The following NBAS variants were observed in gnomAD, a reference collection of about 807,000 sequenced individuals.
NBAS encodes NBAS subunit of NRZ tethering complex, also known as NAG/BC035112 fusion.
A neutral mutation model predicts 302.5 loss-of-function variants in NBAS; 219 were observed. The observed-to-expected ratio is 0.72, with a 90% CI of 0.65 to 0.81. NBAS has a LOEUF of 0.81. Among genes scored for constraint, NBAS ranks in the 30% least tolerant of loss-of-function variants. The probability of loss-of-function intolerance (pLI) is 0.00; values close to 1 mark genes in which losing one functional copy is unlikely to be tolerated. For synonymous variants in NBAS, 1,118 were observed against 1,021.6 expected (o/e 1.09, Z -1.80); for missense variants, 2,932 against 2,841.6 (o/e 1.03, Z -0.72).
chr2:15,018,109 T>C, the NBAS span, among the ~76,000 whole-genome samples: 1 of 151,900 alleles, frequency 6.6e-6, no homozygotes, highest in African/African-American at 2.4e-5. Context: ...AGAAGTAGAA[T>C]GTAGAACAGA....
At chr2:15,441,092 A>C (rs1386426411) in intron 21 of NBAS, among the ~76,000 whole-genome samples, 1 of 152,244 alleles carries the variant, frequency 6.6e-6, no homozygotes, top group East Asian at 1.9e-4. Flanking sequence ...GCAGGATATT[A>C]TCCAGGAGAA....
At chr2:15,290,328 C>T (rs1670252764) in intron 41 of NBAS, among the ~76,000 whole-genome samples, 1 of 152,138 alleles carries the variant, frequency 6.6e-6, no homozygotes, top group South Asian at 2.1e-4. Flanking sequence ...TTAAAGAAGC[C>T]ATTCAAACAC....
At chr2:15,412,654 A>C (rs1676735444) in intron 25 of NBAS, among the ~76,000 whole-genome samples, 1 of 152,220 alleles carries the variant, frequency 6.6e-6, no homozygotes, top group Non-Finnish European at 1.5e-5. Context: ...CACAATTTTA[A>C]TAAAGCAAAC....
At chr2:15,381,796 T>C (rs1328878405) in intron 29 of NBAS, among the ~76,000 whole-genome samples, 1 of 152,340 alleles carries the variant, frequency 6.6e-6, no homozygotes, top group South Asian at 2.1e-4. Flanking sequence ...ACATTAGTTA[T>C]TCATGCATTT....
chr2:15,278,417 C>T (rs187209050), intron 42 of NBAS, among the ~76,000 whole-genome samples: 6 of 152,232 alleles, frequency 3.9e-5, no homozygotes, highest in Admixed American at 2.0e-4. Flanking sequence ...TTCTGTTATT[C>T]GTAACGTATT....
the NBAS span, among the ~76,000 whole-genome samples, chr2:15,090,701 T>A: frequency 5.9e-5 from 9 of 152,208 alleles, no homozygotes; most frequent in African/African-American, 2.2e-4. Flanking sequence ...AACACTCAGA[T>A]GCATATTTAT....
At chr2:15,034,258 A>AAGAAAG in the NBAS span, among the ~76,000 whole-genome samples, 1 of 97,686 alleles carries the variant, frequency 1.0e-5, no homozygotes, top group Non-Finnish European at 2.1e-5. Context: ...GAAAGAAAGA[A>AAGAAAG]AGAAAGAAAG....
At chr2:15,248,607 A>G (rs1351459678) in intron 44 of NBAS, among the ~76,000 whole-genome samples, 1 of 152,208 alleles carries the variant, frequency 6.6e-6, no homozygotes, top group Admixed American at 6.5e-5. Flanking sequence ...TATCAAATAG[A>G]TGCAATAAAA....
chr2:15,217,450 GATTC>G (rs1666703634), intron 48 of NBAS, among the ~76,000 whole-genome samples: 1 of 152,164 alleles, frequency 6.6e-6, no homozygotes, highest in South Asian at 2.1e-4. Flanking sequence ...CTTAAAATCT[GATTC>G]ATTTTTTAAA....
At chr2:14,988,498 A>G in the NBAS span, among the ~76,000 whole-genome samples, 1 of 152,296 alleles carries the variant, frequency 6.6e-6, no homozygotes, top group East Asian at 1.9e-4. Context: ...AGAAAAATCA[A>G]TTTCAGGGTG....
At position 15,438,562 on chromosome 2, in the gene NBAS, C is replaced by T. The variant is rs566891694; in HGVS notation, c.2340-10768G>A. Among the ~76,000 whole-genome samples the T allele has an allele frequency of 1.2e-4, 18 of 152,226 alleles. No individual in the cohort carries two copies. In the South Asian group the frequency reaches 1.2e-3, roughly 11 times the overall value. ...CAGGACACCAGGCACTGCAGGATAA[C>T]GACACTAAGGGAAGGGAAAAAAACA... On this transcript the variant is annotated intron_variant, in intron 21 of 51. Coordinates refer to ENST00000281513, the MANE Select transcript of NBAS (RefSeq NM_015909.4).
chr2:15,284,160 G>GAA (rs745972085), intron 42 of NBAS, among the ~76,000 whole-genome samples: 68 of 116,616 alleles, frequency 5.8e-4, no homozygotes, highest in African/African-American at 1.3e-3. Flanking sequence ...GCGGGAAATG[G>GAA]AAAAAAAAAA....
At chr2:15,457,153 A>AC (rs1212575599) in intron 21 of NBAS, among the ~76,000 whole-genome samples, 4 of 152,204 alleles carry the variant, frequency 2.6e-5, no homozygotes, top group African/African-American at 9.7e-5. Flanking sequence ...GGCTCTATGC[A>AC]AGCCTCCTAA....
intron 23 of NBAS, among the ~76,000 whole-genome samples, chr2:15,419,205 G>T (rs546907286): frequency 6.6e-6 from 1 of 152,148 alleles, no homozygotes; most frequent in African/African-American, 2.4e-5. Context: ...ACAAGAAAAA[G>T]AATATAACAG....
At chr2:14,987,363 T>C in the NBAS span, among the ~76,000 whole-genome samples, 59 of 152,188 alleles carry the variant, frequency 3.9e-4, no homozygotes, top group Non-Finnish European at 7.7e-4. Flanking sequence ...TTCTTTTTTA[T>C]TAAAAATAAA....
the NBAS span, among the ~76,000 whole-genome samples, chr2:15,116,071 A>C: frequency 6.6e-6 from 1 of 152,172 alleles, no homozygotes; most frequent in Non-Finnish European, 1.5e-5. Context: ...TAACAGCCAC[A>C]AGAGAGTTGC....
In NBAS at chr2:15,466,518, T is replaced by C. The variant is rs550772039; in HGVS notation, c.2097+811A>G. Among the ~76,000 whole-genome samples, 26 of 152,310 alleles carry C rather than the reference T, an allele frequency of 1.7e-4. 1 individual carries two copies. The South Asian group carries it at 5.4e-3, about 32-fold the overall frequency. ...CAGAGTGCTACTGAAATGCCCAACA[T>C]GGGGACATCTATGTTTGTGTCCCTG... is the stretch of plus-strand genomic sequence containing the variant. On this transcript the variant is annotated intron_variant, in intron 19 of 51. Coordinates refer to ENST00000281513, the MANE Select transcript of NBAS (RefSeq NM_015909.4).
chr2:15,505,365 G>A (rs1661794778), intron 10 of NBAS, among the ~76,000 whole-genome samples: 1 of 152,180 alleles, frequency 6.6e-6, no homozygotes, highest in Admixed American at 6.5e-5. Context: ...ATGGCCTACA[G>A]GGAAGGGACC....
At chr2:15,310,975 A>G (rs1432279409) in intron 38 of NBAS, among the ~76,000 whole-genome samples, 1 of 152,268 alleles carries the variant, frequency 6.6e-6, no homozygotes, top group Non-Finnish European at 1.5e-5. Context: ...ACAGAATGAT[A>G]CAGCAGGAAG....
Sources: allele counts gnomAD v4.1 joint callset (sites outside exome capture counted in the v4.1 genomes callset), GRCh38; gene constraint gnomAD v4.1.1; transcripts MANE v1.5; gene names NCBI Gene and HGNC (gene_info 2026-07-23, HGNC 2026-07-21).